NTN4: variants seen among roughly 807,000 people sequenced by gnomAD.
NTN4 encodes the protein netrin 4.
In NTN4, 32 loss-of-function variants were observed where a neutral mutation model predicts 73.6. The ratio of observed to expected loss-of-function variants is 0.44; its 90% CI spans 0.33 to 0.58. The LOEUF is 0.58. Ranked by LOEUF, NTN4 falls within the 20% of genes least tolerant of loss-of-function variation. NTN4 has a pLI of 0.04. For synonymous variants in NTN4, 258 were observed against 287.5 expected (o/e 0.90, Z 1.04); for missense variants, 654 against 798.3 (o/e 0.82, Z 2.18).
intron 7 of NTN4, among the ~76,000 whole-genome samples, chr12:95,674,941 T>C (rs1295592091): frequency 1.3e-5 from 2 of 152,232 alleles, no homozygotes; most frequent in African/African-American, 4.8e-5. Context: ...ATAACATGCA[T>C]GATGGGCTTA....
chr12:95,658,941 A>G lies in NTN4; in HGVS notation c.*145T>C, dbSNP rs899380760. On this transcript the variant is annotated 3_prime_UTR_variant, in exon 10 of 10. Coordinates refer to ENST00000343702, the MANE Select transcript of NTN4 (RefSeq NM_021229.4). ...GTATTTAAACATGGGTCCAGAAGAG[A>G]TAAGTTAGATAAGACCCATGCATTC... The G allele has an allele frequency of 7.5e-6, 5 of 671,122 alleles. No homozygotes were observed. Among genetic ancestry groups the G allele is most frequent in the Admixed American group, 5.6e-5 (2 of 35,818 alleles). 41.6% of individuals were successfully genotyped at this position (671,122 alleles called of 1,614,324 possible).
intron 3 of NTN4, among the ~76,000 whole-genome samples, chr12:95,736,491 C>A (rs1248886171): frequency 6.6e-6 from 1 of 152,142 alleles, no homozygotes; most frequent in African/African-American, 2.4e-5. Context: ...AATGTCATGG[C>A]AAAATATTTT....
At chr12:95,751,725 G>A (rs952345897) in intron 2 of NTN4, among the ~76,000 whole-genome samples, 5 of 151,820 alleles carry the variant, frequency 3.3e-5, no homozygotes, top group Admixed American at 3.3e-4. Flanking sequence ...CACAGTGGAA[G>A]GTAAGGCCGT....
In NTN4 at chr12:95,789,041, C is replaced by T. The variant is rs1224857956; in HGVS notation, c.55+1214G>A. ...CAAGAATTAAAGTAAAATCTTAGGC[C>T]TTTAATAGGTCCCTGGGAAAAATAT... On this transcript the variant is annotated intron_variant, in intron 1 of 9. Transcript: ENST00000343702. The surrounding 1 kb of genome is among the most constrained non-coding windows in gnomAD (Gnocchi z 4.0). Among the ~76,000 whole-genome samples the T allele has an allele frequency of 6.6e-6, 1 of 152,120 alleles. No homozygotes were observed. Among genetic ancestry groups the T allele is most frequent in the African/African-American group, 2.4e-5 (1 of 41,400 alleles).
At chr12:95,786,620 C>T (rs1248096992) in intron 2 of NTN4, among the ~76,000 whole-genome samples, 1 of 152,132 alleles carries the variant, frequency 6.6e-6, no homozygotes, top group Non-Finnish European at 1.5e-5. Context: ...ACTCTTCCCC[C>T]TTCAGAAGCA....
intron 2 of NTN4, among the ~76,000 whole-genome samples, chr12:95,753,991 C>G (rs1159154261): frequency 6.6e-6 from 1 of 152,178 alleles, no homozygotes; most frequent in Non-Finnish European, 1.5e-5. Context: ...CACTGTTTCT[C>G]CAAGCCATCA....
chr12:95,672,572 C>T (rs769081236), intron 7 of NTN4: 5 of 1,520,670 alleles, frequency 3.3e-6, no homozygotes, highest in Admixed American at 1.7e-5. Flanking sequence ...CCTCAATGAG[C>T]GGCACTATGG....
intron 5 of NTN4, among the ~76,000 whole-genome samples, chr12:95,697,196 T>C (rs2121040418): frequency 6.6e-6 from 1 of 150,388 alleles, no homozygotes; most frequent in Admixed American, 6.7e-5. Flanking sequence ...AAAAAAAAAG[T>C]TATTTATTCT....
chr12:95,784,038 C>A (rs1431324117), intron 2 of NTN4, among the ~76,000 whole-genome samples: 2 of 152,084 alleles, frequency 1.3e-5, no homozygotes, highest in Non-Finnish European at 2.9e-5. Context: ...AGGATAATAC[C>A]TAGAGAAGTC....
chr12:95,676,079 A>C (rs2078271107), intron 7 of NTN4, among the ~76,000 whole-genome samples: 1 of 152,174 alleles, frequency 6.6e-6, no homozygotes, highest in Non-Finnish European at 1.5e-5. Flanking sequence ...ATTAGATTAG[A>C]GATAATCAGT....
Position 95,787,088 on chromosome 12 carries a change from G to A in NTN4, c.436C>T (p.Arg146Cys), listed in dbSNP as rs1276288998. ...CATGTTTTCCCAAAGTCCTGGGAGC[G>A]GTCCAGCACCATGGCAGCCGGCCTG... ...SPRPAAMVLD[R>C]SQDFGKTWKP... The change falls in exon 2 of 10, where the codon CGC becomes TGC. Residue 146 changes from arginine to cysteine, a missense_variant. Transcript: ENST00000343702. 7 of 1,614,076 alleles carry A rather than the reference G, an allele frequency of 4.3e-6. No homozygotes were observed. Among genetic ancestry groups the A allele is most frequent in the African/African-American group, 1.3e-5 (1 of 74,920 alleles).
At chr12:95,769,934 T>C (rs10745730) in intron 2 of NTN4, among the ~76,000 whole-genome samples, 120,977 of 151,468 alleles carry the variant, frequency 0.8, 48,660 homozygotes, top group Admixed American at 0.86. Context: ...TTTTTGTCTT[T>C]TTTGTAGAGG....
At chr12:95,701,682 T>A (rs1384368947) in intron 5 of NTN4, among the ~76,000 whole-genome samples, 1 of 152,202 alleles carries the variant, frequency 6.6e-6, no homozygotes, top group Non-Finnish European at 1.5e-5. Flanking sequence ...TTGATGAATT[T>A]ATAACCATTA....
rs890583568 is a variant in NTN4, at chr12:95,726,489, C to T, written c.864+11377G>A. ...GCTGGATAATAGTCCATTGTATAGA[C>T]ATACCATAGTTTATCCATTCATCAA... On this transcript the variant is annotated intron_variant, in intron 3 of 9. Transcript: ENST00000343702. 3.3e-5 allele frequency among the ~76,000 whole-genome samples: 5 copies of T among 152,322 alleles called. No individual in the cohort carries two copies. The East Asian group carries it at 9.6e-4, about 29-fold the overall frequency.
At chr12:95,782,046 C>T (rs2079136456) in intron 2 of NTN4, among the ~76,000 whole-genome samples, 1 of 152,118 alleles carries the variant, frequency 6.6e-6, no homozygotes, top group Non-Finnish European at 1.5e-5. Context: ...CTTCCCATAC[C>T]ATAACTAATC....
At chr12:95,770,943 C>T (rs12582529) in intron 2 of NTN4, among the ~76,000 whole-genome samples, 92,883 of 150,644 alleles carry the variant, frequency 0.62, 29,226 homozygotes, top group South Asian at 0.78. Context: ...GGGTGTTGTT[C>T]TGTTTTTGTT....
At chr12:95,761,773 C>A (rs999253002) in intron 2 of NTN4, among the ~76,000 whole-genome samples, 2 of 152,136 alleles carry the variant, frequency 1.3e-5, no homozygotes, top group African/African-American at 4.8e-5. Context: ...CAGAATAATT[C>A]TTTAAGTCTA....
chr12:95,659,995 GT>G (rs948042402), intron 9 of NTN4, among the ~76,000 whole-genome samples: 35 of 148,414 alleles, frequency 2.4e-4, no homozygotes, highest in Admixed American at 4.7e-4. Context: ...TATTAAGGAG[GT>G]TTTTTTTTTG....
At chr12:95,687,975 G>C (rs917763036) in intron 5 of NTN4, among the ~76,000 whole-genome samples, 1 of 152,140 alleles carries the variant, frequency 6.6e-6, no homozygotes, top group Non-Finnish European at 1.5e-5. Flanking sequence ...AGTTGAAGGA[G>C]ATGAGGCAGA....
Sources: gnomAD v4.1 joint callset for allele counts (sites outside exome capture counted in the v4.1 genomes callset) on GRCh38, gnomAD v4.1.1 for gene constraint, Gnocchi (gnomAD v3.1) non-coding constraint, MANE v1.5 for transcripts, NCBI Gene and HGNC (gene_info 2026-07-23, HGNC 2026-07-21) for gene names.